The following AMZ1 variants were observed in gnomAD, a reference collection of about 807,000 sequenced individuals.
AMZ1 encodes archaelysin family metallopeptidase 1, also known as archaemetzincin-1.
AMZ1 carries 39 observed loss-of-function variants against 29.9 expected under a neutral mutation model. The observed-to-expected ratio is 1.30, with a 90% CI of 1.01 to 1.70. The LOEUF is 1.70. Ranked by LOEUF, AMZ1 falls within the 40% of genes most tolerant of loss-of-function variation. AMZ1 has a pLI of 0.00. For synonymous variants in AMZ1, 458 were observed against 304.0 expected (o/e 1.51, Z -5.27); for missense variants, 1,041 against 680.6 (o/e 1.53, Z -5.89).
intron 3 of AMZ1, among the ~76,000 whole-genome samples, chr7:2,705,455 C>T (rs1788297339): frequency 6.6e-6 from 1 of 152,216 alleles, no homozygotes; most frequent in Admixed American, 6.5e-5. Context: ...CACACGCATA[C>T]ATCACGTGGC....
intron 4 of AMZ1, among the ~76,000 whole-genome samples, chr7:2,740,484 AC>A (rs1364545722): frequency 6.6e-6 from 1 of 152,078 alleles, no homozygotes; most frequent in African/African-American, 2.4e-5. Flanking sequence ...TGGTGCTGCC[AC>A]CCAGATCCTC....
At chr7:2,710,804 G>GGAGCATCTCCCGAGGGTAC (rs1407016367) in intron 6 of AMZ1, among the ~76,000 whole-genome samples, 4 of 152,230 alleles carry the variant, frequency 2.6e-5, no homozygotes, top group Non-Finnish European at 4.4e-5. Flanking sequence ...GCTGAGGGTA[G>GGAGCATCTCCCGAGGGTAC]GAGCATCTCC....
At position 2,712,684 on chromosome 7, in the gene AMZ1, G is replaced by C; in HGVS notation, c.1303G>C (p.Asp435His). ...EDLVQVDRAV[D>H]ALDRWEMFTG... ...CCTGGTGCAGGTGGACAGAGCCGTG[G>C]ACGCCCTCGACCGCTGGGAGATGTT... is the stretch of plus-strand genomic sequence containing the variant. The change falls in exon 7 of 7, where the codon GAC (aspartate) becomes CAC (histidine). Residue 435 changes from aspartate (D) to histidine (H), a missense_variant. Transcript: ENST00000683327. 1 of 1,612,584 alleles carries C rather than the reference G, an allele frequency of 6.2e-7. No individual in the cohort carries two copies. Among genetic ancestry groups the C allele is most frequent in the Non-Finnish European group, 8.5e-7 (1 of 1,179,770 alleles).
At chr7:2,698,114 G>A (rs1030899339) in intron 1 of AMZ1, among the ~76,000 whole-genome samples, 1 of 152,092 alleles carries the variant, frequency 6.6e-6, no homozygotes, top group Non-Finnish European at 1.5e-5. Flanking sequence ...GGAGTTAGTG[G>A]GCCAGGCGTG....
intron 3 of AMZ1, among the ~76,000 whole-genome samples, chr7:2,706,928 C>T (rs56236647): frequency 0.46 from 70,347 of 151,740 alleles, 19,551 homozygotes; most frequent in East Asian, 0.82. Context: ...GAGACTGCAG[C>T]GTGAGCTGTG....
At chr7:2,739,181 T>G (rs1250780040) in intron 4 of AMZ1, among the ~76,000 whole-genome samples, 2 of 152,256 alleles carry the variant, frequency 1.3e-5, no homozygotes, top group Non-Finnish European at 2.9e-5. Context: ...AGGTAAGATC[T>G]ACATAATAGA....
At chr7:2,682,874 C>T (rs981598193) in intron 1 of AMZ1, among the ~76,000 whole-genome samples, 1 of 152,236 alleles carries the variant, frequency 6.6e-6, no homozygotes, top group African/African-American at 2.4e-5. Context: ...CGCACGGTTC[C>T]TTCCACCTGG....
At position 2,719,272 on chromosome 7, in the gene AMZ1, T is replaced by G. The variant is rs1270392679; in HGVS notation, c.*6394T>G. On this transcript the variant is annotated 3_prime_UTR_variant, in exon 7 of 7. Transcript: ENST00000683327. ...CGGCCGCCTCTCCCGCCTGCACCACTTGGAGGCAGTTGTTTCACGTGGGGC... is the reference window on the plus strand; with the variant it reads ...CGGCCGCCTCTCCCGCCTGCACCACGTGGAGGCAGTTGTTTCACGTGGGGC... Among the ~76,000 whole-genome samples, 1 of 152,222 alleles carries G rather than the reference T, an allele frequency of 6.6e-6. No individual in the cohort carries two copies. The highest frequency in any genetic ancestry group is 1.5e-5 in the Non-Finnish European group (1 of 68,026).
chr7:2,758,670 C>T (rs780305297), intron 4 of AMZ1, among the ~76,000 whole-genome samples: 1 of 152,196 alleles, frequency 6.6e-6, no homozygotes, highest in Non-Finnish European at 1.5e-5. Context: ...CTTGGAGGAA[C>T]CCCTGTGCTA....
Position 2,717,427 on chromosome 7 carries a change from C to G in AMZ1, c.*4549C>G, listed in dbSNP as rs1226094946. Among the ~76,000 whole-genome samples, 1 of 152,242 alleles carries G rather than the reference C, an allele frequency of 6.6e-6. No homozygotes were observed. The highest frequency in any genetic ancestry group is 1.5e-5 in the Non-Finnish European group (1 of 68,042). On this transcript the variant is annotated 3_prime_UTR_variant, in exon 7 of 7. Coordinates refer to ENST00000683327, the MANE Select transcript of AMZ1 (RefSeq NM_001384743.1). ...GACTCACGGGGGCCTGGCTGCCGTCCTGGGAGAGGCCCCGGGAACCGGCTC... is the reference window on the plus strand; with the variant it reads ...GACTCACGGGGGCCTGGCTGCCGTCGTGGGAGAGGCCCCGGGAACCGGCTC...
chr7:2,721,623 G>C (rs1332642798), downstream of AMZ1, among the ~76,000 whole-genome samples: 1 of 152,184 alleles, frequency 6.6e-6, no homozygotes, highest in African/African-American at 2.4e-5. Flanking sequence ...GGCTGAGGCA[G>C]GAGAATGGTG....
chr7:2,739,526 T>C (rs1790391794), intron 4 of AMZ1, among the ~76,000 whole-genome samples: 1 of 152,230 alleles, frequency 6.6e-6, no homozygotes, highest in Non-Finnish European at 1.5e-5. Context: ...ATGTGGTTTG[T>C]TTTTCCATTT....
intron 2 of AMZ1, 147 bp downstream of exon 2, chr7:2,700,902 G>T: frequency 8.5e-7 from 1 of 1,172,690 alleles, no homozygotes; most frequent in Non-Finnish European, 1.2e-6. Flanking sequence ...TGGAGGCAGG[G>T]AGGTCCTGGC....
chr7:2,695,002 T>A (rs1787621622), intron 1 of AMZ1, among the ~76,000 whole-genome samples: 1 of 152,190 alleles, frequency 6.6e-6, no homozygotes, highest in African/African-American at 2.4e-5. Context: ...GATAAATGAA[T>A]GAACCCGTGC....
At position 2,713,038 on chromosome 7, in the gene AMZ1, G is replaced by C; in HGVS notation, c.*160G>C. ...TCACTTTGAGAGGCCAGGAGTTTGAGACCAGACTGGGCAACATGGTGAGAC... is the reference window on the plus strand; with the variant it reads ...TCACTTTGAGAGGCCAGGAGTTTGACACCAGACTGGGCAACATGGTGAGAC... On this transcript the variant is annotated 3_prime_UTR_variant, in exon 7 of 7. Coordinates refer to ENST00000683327, the MANE Select transcript of AMZ1 (RefSeq NM_001384743.1). The C allele has an allele frequency of 1.4e-6, 1 of 725,818 alleles. No individual in the cohort carries two copies. The highest frequency in any genetic ancestry group is 2.0e-6 in the Non-Finnish European group (1 of 498,886). 45.0% of individuals were successfully genotyped at this position (725,818 alleles called of 1,614,324 possible).
intron 6 of AMZ1, 35 bp downstream of exon 6, chr7:2,709,851 A>C (rs1450941736): frequency 1.2e-6 from 2 of 1,604,778 alleles, no homozygotes; most frequent in Admixed American, 3.4e-5. Flanking sequence ...GGCTGCTGGG[A>C]CCTGCGCTCC....
chr7:2,731,460 G>C lies in AMZ1; in HGVS notation n.550+21644G>C. ...TCTTGTTGAGGAAGAGAATGATGGA[G>C]ACGTTGAAGAAGAGCTTGTTGTTGA... On this transcript the variant is annotated intron_variant and non_coding_transcript_variant, in intron 4 of 4. Transcript: ENST00000489665. This position sits in a 1 kb window ranked among gnomAD's most constrained non-coding sequence, Gnocchi z 6.0. The C allele has an allele frequency of 1.9e-6, 3 of 1,614,004 alleles. No individual in the cohort carries two copies. Among genetic ancestry groups the C allele is most frequent in the Non-Finnish European group, 2.5e-6 (3 of 1,179,928 alleles).
Position 2,730,832 on chromosome 7 carries a change from C to T in AMZ1, n.550+21016C>T, listed in dbSNP as rs183939270. On this transcript the variant is annotated intron_variant and non_coding_transcript_variant, in intron 4 of 4. Transcript: ENST00000489665. Reference sequence around the variant, plus strand: ...TGTCATTAAAGACAGAGCGTGTGTACACACATACACACACAACACGGTCCT... The same window carrying T: ...TGTCATTAAAGACAGAGCGTGTGTATACACATACACACACAACACGGTCCT... The T allele has an allele frequency of 2.9e-4, 65 of 226,234 alleles. No homozygotes were observed. In the East Asian group the frequency reaches 5.7e-3, roughly 20 times the overall value. 14.0% of individuals were successfully genotyped at this position (226,234 alleles called of 1,614,324 possible).
chr7:2,763,918 T>C (rs1583258325), upstream of AMZ1, among the ~76,000 whole-genome samples: 1 of 152,168 alleles, frequency 6.6e-6, no homozygotes, highest in Non-Finnish European at 1.5e-5. Flanking sequence ...TTTAGAGTCT[T>C]GGTTAAAGTG....
Sources: allele counts gnomAD v4.1 joint callset (sites outside exome capture counted in the v4.1 genomes callset), GRCh38; gene constraint gnomAD v4.1.1; non-coding constraint Gnocchi (gnomAD v3.1); transcripts MANE v1.5; gene names NCBI Gene and HGNC (gene_info 2026-07-23, HGNC 2026-07-21).